The following MAP3K21 variants were observed in gnomAD, a reference collection of about 807,000 sequenced individuals.
MAP3K21 encodes the protein mitogen-activated protein kinase kinase kinase 21, also known as mitogen-activated protein kinase kinase kinase MLK4.
A neutral mutation model predicts 86.1 loss-of-function variants in MAP3K21; 63 were observed. That is an observed-to-expected ratio of 0.73 (90% confidence interval 0.60 to 0.90). The LOEUF (loss-of-function observed/expected upper bound fraction) is 0.90. Among genes scored for constraint, MAP3K21 ranks in the 40% least tolerant of loss-of-function variants. The probability of loss-of-function intolerance (pLI) is 0.00; values close to 1 mark genes in which losing one functional copy is unlikely to be tolerated. For synonymous variants in MAP3K21, 558 were observed against 564.8 expected, an observed-to-expected ratio of 0.99 and a Z score of 0.17; for missense variants, 1,220 against 1,367.7, an observed-to-expected ratio of 0.89 and a Z score of 1.70.
rs201445057 is a variant in MAP3K21 at position 233,372,142 on chromosome 1, C to T, written c.1657C>T (p.Arg553Ter). The T allele has an allele frequency of 2.5e-6, 4 of 1,614,024 alleles. No individual in the cohort carries two copies. Among genetic ancestry groups the T allele is most frequent in the Non-Finnish European group, 2.5e-6 (3 of 1,180,010 alleles). Residue 553 changes from arginine (R) to a stop codon, truncating the protein, a stop_gained, in exon 6 of 10, where the codon CGA becomes TGA. Transcript: ENST00000366624. LOFTEE classifies it high-confidence loss of function. Reference sequence around the variant, plus strand: ...CCCGAGCAGCCCCACAATGATGCCCCGACTCCGAGCCATACAGTGTGAGCT... The same window carrying T: ...CCCGAGCAGCCCCACAATGATGCCCTGACTCCGAGCCATACAGTGTGAGCT... ...SPPSSPTMMP[R>*]LRAIQLTSDE... is the part of the protein sequence containing the mutation.
chr1:233,381,894 T>A (rs1572260604), intron 9 of MAP3K21, among the ~76,000 whole-genome samples: 1 of 152,368 alleles, frequency 6.6e-6, no homozygotes, highest in African/African-American at 2.4e-5. Flanking sequence ...TTAAACCTCT[T>A]AAATTTATTC....
chr1:233,354,074 C>T, intron 3 of MAP3K21, 119 bp downstream of exon 3: 2 of 1,183,872 alleles, frequency 1.7e-6, no homozygotes, highest in Non-Finnish European at 2.2e-6. Flanking sequence ...TTTTAAGTAA[C>T]CCTAGTATTT....
At chr1:233,358,474 T>TTTTG (rs1276082467) in intron 4 of MAP3K21, among the ~76,000 whole-genome samples, 1 of 19,528 alleles carries the variant, frequency 5.1e-5, no homozygotes, top group Non-Finnish European at 9.8e-5. Context: ...CTCTAATTTG[T>TTTTG]TTTTTTTTTT....
chr1:233,364,806 T>C (rs1663542117), intron 5 of MAP3K21, among the ~76,000 whole-genome samples: 1 of 152,200 alleles, frequency 6.6e-6, no homozygotes. Context: ...AACCAAGAAA[T>C]CTACTGCTAT....
chr1:233,347,072 G>T (rs911462555), intron 2 of MAP3K21, among the ~76,000 whole-genome samples: 25 of 151,762 alleles, frequency 1.6e-4, no homozygotes. Context: ...AGGAGCGGGG[G>T]TTTAGGAGGG....
chr1:233,362,347 C>A, intron 5 of MAP3K21, 54 bp downstream of exon 5: 1 of 1,587,268 alleles, frequency 6.3e-7, no homozygotes, highest in Non-Finnish European at 8.6e-7. Context: ...TCCTTTTAAT[C>A]AGTTTTCTTT....
intron 1 of MAP3K21, among the ~76,000 whole-genome samples, chr1:233,339,240 C>G (rs1231480322): frequency 1.1e-5 from 1 of 87,792 alleles, no homozygotes; most frequent in African/African-American, 4.5e-5. Context: ...TCTTCTTCTT[C>G]TTCTTCTTCT....
chr1:233,377,866 G>A (rs1161034359), intron 8 of MAP3K21, among the ~76,000 whole-genome samples: 3 of 152,160 alleles, frequency 2.0e-5, no homozygotes, highest in Admixed American at 6.5e-5. Context: ...CAGATCATCA[G>A]ATCCTAGATT....
intron 2 of MAP3K21, among the ~76,000 whole-genome samples, chr1:233,351,952 A>T (rs1359601664): frequency 6.6e-6 from 1 of 152,146 alleles, no homozygotes; most frequent in African/African-American, 2.4e-5. Context: ...GTGGTGGTGC[A>T]ATCACAGCGC....
intron 1 of MAP3K21, among the ~76,000 whole-genome samples, chr1:233,331,367 G>A (rs1232900799): frequency 6.6e-6 from 1 of 152,170 alleles, no homozygotes; most frequent in Non-Finnish European, 1.5e-5. Context: ...GAGTTTGACT[G>A]GGGTCTAGAA....
rs76997057 is a variant in MAP3K21 at position 233,362,748 on chromosome 1, T to C, written c.1552+455T>C. On this transcript the variant is annotated intron_variant, in intron 5 of 9. Coordinates refer to ENST00000366624, the MANE Select transcript of MAP3K21 (RefSeq NM_032435.3). The stretch of plus-strand genomic sequence containing the variant: ...CTGATATTGTTGTCAGCACTTTCAA[T>C]AAAATATATCAAGTACCCTGAGGTA... Among the ~76,000 whole-genome samples, 889 of 152,190 alleles carry C rather than the reference T, an allele frequency of 5.8e-3. 11 individuals carry two copies. Among genetic ancestry groups the C allele is most frequent in the African/African-American group, 0.021 (860 of 41,504 alleles).
At chr1:233,341,110 G>A (rs770830238) in intron 1 of MAP3K21, among the ~76,000 whole-genome samples, 5 of 152,190 alleles carry the variant, frequency 3.3e-5, no homozygotes, top group Non-Finnish European at 7.3e-5. Flanking sequence ...AATCTTTACT[G>A]AAGTCACAGG....
At chr1:233,358,675 C>T (rs1300058424) in intron 4 of MAP3K21, among the ~76,000 whole-genome samples, 2 of 152,026 alleles carry the variant, frequency 1.3e-5, no homozygotes, top group Non-Finnish European at 2.9e-5. Flanking sequence ...CAGCTGTAGT[C>T]CCAGCACTTT....
rs1350576144 is a variant in MAP3K21 at position 233,379,439 on chromosome 1, C to T, written c.2433C>T (p.Cys811=). The part of the protein sequence containing the change: ...ILSTPSFSTK[C]LLQMDSEDPL... Reference sequence around the variant, plus strand: ...CCACACCTTCTTTCTCCACAAAGTGCCTGCTGCAGATGGACAGTGAAGATC... The same window carrying T: ...CCACACCTTCTTTCTCCACAAAGTGTCTGCTGCAGATGGACAGTGAAGATC... The change falls in exon 9 of 10, where the codon TGC becomes TGT. Residue 811 remains cysteine (C), a synonymous_variant. Transcript: ENST00000366624. 4.3e-6 allele frequency: 7 copies of T among 1,614,192 alleles called. No homozygotes were observed. The East Asian group carries it at 1.3e-4, about 31-fold the overall frequency.
At position 233,339,195 on chromosome 1, in the gene MAP3K21, T is replaced by TTTCTTCTTCTTCTTCTTCTTCTTC. The variant is rs71173272; in HGVS notation, c.806-7198_806-7175dup. 1.6e-4 allele frequency among the ~76,000 whole-genome samples: 19 copies of TTTCTTCTTCTTCTTCTTCTTCTTC among 115,474 alleles called. 2 individuals are homozygous for TTTCTTCTTCTTCTTCTTCTTCTTC. Among genetic ancestry groups the TTTCTTCTTCTTCTTCTTCTTCTTC allele is most frequent in the Admixed American group, 2.6e-4 (3 of 11,368 alleles). The allele number at this position is 115,474 out of a possible 152,430, so 75.8% of individuals were successfully genotyped here. On this transcript the variant is annotated intron_variant, in intron 1 of 9. Coordinates refer to ENST00000366624, the MANE Select transcript of MAP3K21 (RefSeq NM_032435.3). ...GCTACAATTATTTTTAAAACAATCA[T>TTTCTTCTTCTTCTTCTTCTTCTTC]TTCTTCTTCTTCTTCTTCTTCTTCT...
At chr1:233,362,510 A>G (rs897308383) in intron 5 of MAP3K21, among the ~76,000 whole-genome samples, 3 of 152,248 alleles carry the variant, frequency 2.0e-5, no homozygotes, top group African/African-American at 7.2e-5. Flanking sequence ...TGGTAGTCAC[A>G]GCACACGAGG....
chr1:233,364,767 C>A (rs1053677693), intron 5 of MAP3K21, among the ~76,000 whole-genome samples: 1 of 152,070 alleles, frequency 6.6e-6, no homozygotes, highest in Non-Finnish European at 1.5e-5. Flanking sequence ...TACTTTTTGG[C>A]ACTTAATGAA....
chr1:233,382,872 C>T lies in MAP3K21; in HGVS notation c.*161C>T. ...GCTTCTCAAAAAATGTATATGATTG[C>T]TGTTAGCCATGTCTATTGTTTTTCC... On this transcript the variant is annotated 3_prime_UTR_variant, in exon 10 of 10. Transcript: ENST00000366624. 8.2e-6 allele frequency: 5 copies of T among 612,584 alleles called. No homozygotes were observed. Among genetic ancestry groups the T allele is most frequent in the Non-Finnish European group, 1.4e-5 (5 of 358,122 alleles). The allele number at this position is 612,584 out of a possible 1,614,324, so 37.9% of individuals were successfully genotyped here.
chr1:233,379,129 A>C lies in MAP3K21; in HGVS notation c.2123A>C (p.Asn708Thr). ...ATVSIEMTPT[N>T]SLSRSPQRKK... The stretch of plus-strand genomic sequence containing the variant: ...GTCTCCATTGAGATGACTCCTACGA[A>C]TAGTCTGAGTAGATCCCCCCAGAGA... Residue 708 changes from asparagine to threonine, a missense_variant, in exon 9 of 10, where the codon AAT (asparagine) becomes ACT (threonine). Around this residue, in one of 5 missense-constraint regions of MAP3K21, gnomAD observed 632 missense variants for 691.3 expected, o/e 0.91. Coordinates refer to ENST00000366624, the MANE Select transcript of MAP3K21 (RefSeq NM_032435.3). 1 of 1,614,106 alleles carries C rather than the reference A, an allele frequency of 6.2e-7. No individual in the cohort carries two copies. Among genetic ancestry groups the C allele is most frequent in the East Asian group, 2.2e-5 (1 of 44,868 alleles).
Sources: gnomAD v4.1 joint callset for allele counts (sites outside exome capture counted in the v4.1 genomes callset) on GRCh38, gnomAD v4.1.1 for gene constraint, gnomAD v4.1.1 regional missense constraint, MANE v1.5 for transcripts, NCBI Gene and HGNC (gene_info 2026-07-23, HGNC 2026-07-21) for gene names.